DPP6: variants seen among roughly 807,000 people sequenced by gnomAD.
DPP6 encodes the protein A-type potassium channel modulatory protein DPP6.
In DPP6, 69 loss-of-function variants were observed where a neutral mutation model predicts 122.6. That is an observed-to-expected ratio of 0.56 (90% CI 0.46 to 0.69). The LOEUF is 0.69. Among genes scored for constraint, DPP6 ranks in the 30% least tolerant of loss-of-function variants. The probability of loss-of-function intolerance (pLI) is 0.00; values close to 1 mark genes in which losing one functional copy is unlikely to be tolerated. For synonymous variants in DPP6, 418 were observed against 433.1 expected (o/e 0.97, Z 0.43); for missense variants, 928 against 1,116.9 (o/e 0.83, Z 2.41).
At chr7:154,795,176 G>C (rs1473123486) in intron 11 of DPP6, among the ~76,000 whole-genome samples, 1 of 152,164 alleles carries the variant, frequency 6.6e-6, no homozygotes, top group Admixed American at 6.5e-5. Flanking sequence ...CCTGAGCCTT[G>C]AGTGTCAGTG....
At chr7:154,648,267 T>TAA (rs35397756) in intron 6 of DPP6, among the ~76,000 whole-genome samples, 1 of 140,018 alleles carries the variant, frequency 7.1e-6, no homozygotes, top group Non-Finnish European at 1.6e-5. Flanking sequence ...AAACTCTGTC[T>TAA]AAAAAAAAAA....
intron 7 of DPP6, among the ~76,000 whole-genome samples, chr7:154,715,659 C>G (rs568297639): frequency 1.3e-5 from 2 of 152,188 alleles, no homozygotes; most frequent in African/African-American, 4.8e-5. Context: ...CATCCACCCA[C>G]CTGATGAAAA....
At chr7:154,014,717 G>C (rs112704870) in intron 1 of DPP6, among the ~76,000 whole-genome samples, 17,262 of 151,936 alleles carry the variant, frequency 0.11, 1,536 homozygotes, top group African/African-American at 0.25. Flanking sequence ...TACTCTGCTT[G>C]TATTTTTTGT....
chr7:154,095,361 G>A (rs901714608), intron 1 of DPP6: 2 of 142,636 alleles, frequency 1.4e-5, no homozygotes, highest in African/African-American at 5.0e-5. Context: ...TACCGTAACT[G>A]TGACAACGTC....
chr7:154,837,250 T>G (rs11243318), intron 16 of DPP6, among the ~76,000 whole-genome samples: 97,112 of 147,806 alleles, frequency 0.66, 33,453 homozygotes, highest in East Asian at 0.83. Context: ...ATAAGGCACA[T>G]TCACACATGC....
rs1487123322 is a variant in DPP6, at chr7:154,893,386, T to TCCGTCCTTACAA, written c.*909_*920dup. 1 of 142,006 alleles carries TCCGTCCTTACAA rather than the reference T, an allele frequency of 7.0e-6. No homozygotes were observed. Among genetic ancestry groups the TCCGTCCTTACAA allele is most frequent in the Non-Finnish European group, 1.5e-5 (1 of 68,136 alleles). The allele number at this position is 142,006 out of a possible 1,614,324, so 8.8% of individuals were successfully genotyped here. A position where few individuals can be genotyped will look rare whatever the true frequency, so the allele number is the denominator to read the frequency against. ...TGTAGGTGTGCACTGTCTATTTACA[T>TCCGTCCTTACAA]CCGTCCTTACAACCATCCTTGTCCT... On this transcript the variant is annotated 3_prime_UTR_variant, in exon 26 of 26. Transcript: ENST00000377770.
intron 1 of DPP6, among the ~76,000 whole-genome samples, chr7:154,243,342 C>A (rs926246025): frequency 6.7e-6 from 1 of 149,246 alleles, no homozygotes; most frequent in Non-Finnish European, 1.5e-5. Context: ...AATTTTCAGA[C>A]AAGGATTTTA....
chr7:154,183,736 T>C (rs1798213277), intron 1 of DPP6, among the ~76,000 whole-genome samples: 1 of 152,286 alleles, frequency 6.6e-6, no homozygotes, highest in Admixed American at 6.5e-5. Context: ...CAACACCGGA[T>C]AGAAACCCCA....
chr7:154,811,336 G>A (rs537098519), intron 16 of DPP6, among the ~76,000 whole-genome samples: 7 of 152,308 alleles, frequency 4.6e-5, no homozygotes, highest in African/African-American at 1.2e-4. Context: ...GCTGAGCCTC[G>A]TCCTGCCATG....
intron 5 of DPP6, among the ~76,000 whole-genome samples, chr7:154,580,629 C>T (rs554115464): frequency 6.6e-6 from 1 of 152,200 alleles, no homozygotes; most frequent in East Asian, 1.9e-4. Flanking sequence ...CGAGCTGAGG[C>T]CCATGGTCCC....
At chr7:153,843,233 TACAC>T in the DPP6 span, among the ~76,000 whole-genome samples, 139 of 150,462 alleles carry the variant, frequency 9.2e-4, no homozygotes, top group African/African-American at 2.5e-3. Flanking sequence ...TACACGCACA[TACAC>T]ACGCACATAC....
chr7:154,692,508 T>A (rs1390712228), intron 7 of DPP6, among the ~76,000 whole-genome samples: 1 of 152,176 alleles, frequency 6.6e-6, no homozygotes, highest in African/African-American at 2.4e-5. Context: ...TCAAATTGTA[T>A]CCTCATGTGC....
intron 11 of DPP6, 149 bp downstream of exon 11, chr7:154,794,351 C>G: frequency 7.4e-7 from 1 of 1,342,448 alleles, no homozygotes; most frequent in Non-Finnish European, 9.7e-7. Context: ...GCGCAGAGTC[C>G]CGGCTCCGGC....
chr7:154,678,126 C>T (rs1839034758), intron 7 of DPP6, among the ~76,000 whole-genome samples: 1 of 152,168 alleles, frequency 6.6e-6, no homozygotes, highest in South Asian at 2.1e-4. Context: ...TTTGTAAACA[C>T]ACCAATCAGC....
intron 2 of DPP6, among the ~76,000 whole-genome samples, chr7:154,456,728 A>T (rs1820862950): frequency 1.2e-5 from 1 of 83,506 alleles, no homozygotes; most frequent in South Asian, 5.4e-4. Context: ...TGTTCTTATA[A>T]GAAGGAAATA....
intron 1 of DPP6, among the ~76,000 whole-genome samples, chr7:154,352,189 C>T (rs1238434134): frequency 1.3e-5 from 2 of 152,122 alleles, no homozygotes; most frequent in African/African-American, 2.4e-5. Context: ...CAAGGCCGGG[C>T]ACGGTGGCTC....
intron 6 of DPP6, among the ~76,000 whole-genome samples, chr7:154,663,319 A>G (rs1252486477): frequency 2.0e-5 from 1 of 51,092 alleles, no homozygotes; most frequent in Non-Finnish European, 7.3e-5. Context: ...GTGTTCATAG[A>G]GTCATGGTGA....
chr7:154,600,018 T>C (rs947929045), intron 5 of DPP6, among the ~76,000 whole-genome samples: 2 of 152,352 alleles, frequency 1.3e-5, no homozygotes, highest in Non-Finnish European at 2.9e-5. Flanking sequence ...AACTTTCTCA[T>C]GGATGGCTCC....
chr7:154,264,967 G>GATGGTGATA (rs1450017495), intron 1 of DPP6, among the ~76,000 whole-genome samples: 8 of 152,224 alleles, frequency 5.3e-5, no homozygotes, highest in Non-Finnish European at 1.0e-4. Context: ...TGATCCTGAT[G>GATGGTGATA]ATGGTGTTGA....
Sources: allele counts gnomAD v4.1 joint callset (sites outside exome capture counted in the v4.1 genomes callset), GRCh38; gene constraint gnomAD v4.1.1; transcripts MANE v1.5; gene names NCBI Gene and HGNC (gene_info 2026-07-23, HGNC 2026-07-21).